The following EXTL2 variants were observed in gnomAD, a reference collection of about 807,000 sequenced individuals.
The protein encoded by EXTL2 is exostosin like glycosyltransferase 2.
A neutral mutation model predicts 30.7 loss-of-function variants in EXTL2; 23 were observed. That is an observed-to-expected ratio of 0.75 (90% CI 0.54 to 1.06). The LOEUF (loss-of-function observed/expected upper bound fraction) is 1.06, where lower values mean the gene tolerates loss of function less well. EXTL2 is among the 50% of genes least tolerant of loss of function. EXTL2 has a pLI of 0.00. For synonymous variants in EXTL2, 123 were observed against 133.8 expected, an observed-to-expected ratio of 0.92 and a Z score of 0.56; for missense variants, 352 against 396.3, an observed-to-expected ratio of 0.89 and a Z score of 0.95.
intron 1 of EXTL2, among the ~76,000 whole-genome samples, chr1:100,890,014 C>T (rs762361886): frequency 7.9e-5 from 12 of 152,240 alleles, no homozygotes; most frequent in Non-Finnish European, 1.5e-4. Flanking sequence ...GGGACTCCAA[C>T]CCCACTTCTC....
intron 2 of EXTL2, among the ~76,000 whole-genome samples, chr1:100,881,339 T>G (rs1649537881): frequency 6.6e-6 from 1 of 152,230 alleles, no homozygotes; most frequent in Non-Finnish European, 1.5e-5. Context: ...TCACAGTTTT[T>G]GGCGTTCTTC....
intron 1 of EXTL2, among the ~76,000 whole-genome samples, chr1:100,889,716 G>T (rs966143797): frequency 6.6e-6 from 1 of 152,224 alleles, no homozygotes; most frequent in Non-Finnish European, 1.5e-5. Flanking sequence ...CAGTGGGGCG[G>T]TCATTAAATC....
At chr1:100,876,750 A>G in intron 4 of EXTL2, 44 bp downstream of exon 4, 1 of 1,400,092 alleles carries the variant, frequency 7.1e-7, no homozygotes, top group South Asian at 1.2e-5. Context: ...AGTACTAGTC[A>G]AGATCTTATA....
intron 1 of EXTL2, among the ~76,000 whole-genome samples, chr1:100,890,538 G>A (rs534707043): frequency 3.9e-5 from 6 of 152,280 alleles, no homozygotes; most frequent in African/African-American, 1.4e-4. Flanking sequence ...AAATTTTCCT[G>A]ACTTTTATGC....
intron 2 of EXTL2, among the ~76,000 whole-genome samples, chr1:100,879,139 T>G (rs1190184088): frequency 1.3e-5 from 2 of 152,202 alleles, no homozygotes; most frequent in Non-Finnish European, 2.9e-5. Context: ...CCTAAAACTC[T>G]TATTCCCTGG....
chr1:100,893,739 C>T (rs531370957), intron 1 of EXTL2, among the ~76,000 whole-genome samples: 1 of 152,312 alleles, frequency 6.6e-6, no homozygotes, highest in African/African-American at 2.4e-5. Context: ...ATAGTGTCCA[C>T]CTACACTTTT....
At chr1:100,879,305 T>C (rs1357901723) in intron 2 of EXTL2, among the ~76,000 whole-genome samples, 2 of 152,180 alleles carry the variant, frequency 1.3e-5, no homozygotes, top group African/African-American at 4.8e-5. Flanking sequence ...GTATGGTCCT[T>C]GTTTTGTACT....
At chr1:100,891,518 G>A (rs570681580) in intron 1 of EXTL2, among the ~76,000 whole-genome samples, 20 of 152,286 alleles carry the variant, frequency 1.3e-4, no homozygotes, top group Non-Finnish European at 1.6e-4. Flanking sequence ...CAGTGAGTTG[G>A]GAGTGCTGAT....
At position 100,873,215 on chromosome 1, in the gene EXTL2, T is replaced by A. The variant is rs1270471724; in HGVS notation, c.*727A>T. 4 of 152,094 alleles carry A rather than the reference T, an allele frequency of 2.6e-5. No homozygotes were observed. Among genetic ancestry groups the A allele is most frequent in the African/African-American group, 7.2e-5 (3 of 41,442 alleles). The allele number at this position is 152,094 out of a possible 1,614,324, so 9.4% of individuals were successfully genotyped here. A position where few individuals can be genotyped will look rare whatever the true frequency, so the allele number is the denominator to read the frequency against. On this transcript the variant is annotated 3_prime_UTR_variant, in exon 5 of 5. Transcript: ENST00000370114. ...TACCCGAATCTAGTAACACATTTAC[T>A]CCTTGCTGCATATAAGTGGCGTGTA...
chr1:100,892,370 C>G (rs1392252883), intron 1 of EXTL2, among the ~76,000 whole-genome samples: 3 of 152,136 alleles, frequency 2.0e-5, no homozygotes, highest in African/African-American at 7.2e-5. Flanking sequence ...ACATCAGGCT[C>G]CAAGTTCTTT....
At chr1:100,874,479 G>A (rs771880237) in intron 4 of EXTL2, 49 bp from the exon 5 acceptor site, 1 of 1,421,680 alleles carries the variant, frequency 7.0e-7, no homozygotes, top group Non-Finnish European at 9.6e-7. Flanking sequence ...TTTTAGAGAA[G>A]ACATAGTGAA....
intron 2 of EXTL2, among the ~76,000 whole-genome samples, chr1:100,884,035 G>A (rs1416261802): frequency 1.3e-5 from 2 of 152,162 alleles, no homozygotes; most frequent in Admixed American, 6.5e-5. Flanking sequence ...CACCGTTGAA[G>A]GATTCTTTCC....
chr1:100,884,860 G>A (rs1347373436), intron 2 of EXTL2, among the ~76,000 whole-genome samples: 2 of 152,082 alleles, frequency 1.3e-5, no homozygotes, highest in Non-Finnish European at 2.9e-5. Context: ...TATCTTGAGG[G>A]AAGTTTCTGT....
At chr1:100,885,485 C>G (rs1649889097) in intron 2 of EXTL2, 1 of 152,114 alleles carries the variant, frequency 6.6e-6, no homozygotes, top group African/African-American at 2.4e-5. Flanking sequence ...AGTTTGGGTT[C>G]AGAAAGTGAC....
At chr1:100,881,849 C>T (rs1040636685) in intron 2 of EXTL2, among the ~76,000 whole-genome samples, 2 of 152,154 alleles carry the variant, frequency 1.3e-5, no homozygotes, top group African/African-American at 4.8e-5. Flanking sequence ...GGTCCCCAAT[C>T]CCCAGGCTAC....
rs775979708 is a variant in EXTL2 at position 100,877,652 on chromosome 1, T to A, written c.257A>T (p.Tyr86Phe). 4 of 1,613,670 alleles carry A rather than the reference T, an allele frequency of 2.5e-6. No individual in the cohort carries two copies. In the East Asian group the frequency reaches 6.7e-5, roughly 27 times the overall value. Residue 86 changes from tyrosine (Y) to phenylalanine (F), a missense_variant, in exon 3 of 5, where the codon TAT becomes TTT. Physicochemically the swap from Tyr to Phe is conservative, Grantham distance 22. Transcript: ENST00000370114. This position sits in a 1 kb window ranked among gnomAD's most constrained non-coding sequence, Gnocchi z 4.1. ...TDLLLKLLNH[Y>F]QAVPNLHKVI... ...TTTGTGCAGATTTGGTACAGCCTGA[T>A]AATGATTTAAAAGTTTCAATAAGAG...
chr1:100,878,132 T>C (rs1393821704), intron 2 of EXTL2, among the ~76,000 whole-genome samples: 5 of 152,124 alleles, frequency 3.3e-5, no homozygotes, highest in African/African-American at 4.8e-5. Flanking sequence ...AAAGATGTTA[T>C]ACACACAAAA....
rs77649301 is a variant in EXTL2, at chr1:100,888,830, T to C, written c.-71-2A>G. 1.5e-3 allele frequency: 1,822 copies of C among 1,185,418 alleles called. 25 individuals are homozygous for C. The African/African-American group carries it at 0.025, about 16-fold the overall frequency. The allele number at this position is 1,185,418 out of a possible 1,614,324, so 73.4% of individuals were successfully genotyped here. ...TGACAGAAGCAGGCTCACTTGTCAC[T>C]ATTAAGATAAATCAAAGAATTTTCT... On this transcript the variant is annotated splice_acceptor_variant, in intron 1 of 4. Coordinates refer to ENST00000370114, the MANE Select transcript of EXTL2 (RefSeq NM_001033025.3). LOFTEE classifies it low-confidence loss of function (5UTR_SPLICE).
intron 4 of EXTL2, 28 bp downstream of exon 4, chr1:100,876,766 G>A (rs760642439): frequency 2.6e-6 from 4 of 1,559,380 alleles, no homozygotes; most frequent in African/African-American, 1.4e-5. Flanking sequence ...TTATAAAGAC[G>A]GTTTCATAAA....
Sources: gnomAD v4.1 joint callset for allele counts (sites outside exome capture counted in the v4.1 genomes callset) on GRCh38, gnomAD v4.1.1 for gene constraint, Gnocchi (gnomAD v3.1) non-coding constraint, MANE v1.5 for transcripts, NCBI Gene and HGNC (gene_info 2026-07-23, HGNC 2026-07-21) for gene names.